ARHGEF16: variants seen among roughly 807,000 people sequenced by gnomAD.
The protein encoded by ARHGEF16 is Rho guanine nucleotide exchange factor 16, also known as Rho guanine exchange factor (GEF) 16.
In ARHGEF16, 59 loss-of-function variants were observed where a neutral mutation model predicts 74.1. That is an observed-to-expected ratio of 0.80 (90% CI 0.65 to 0.99). The LOEUF (loss-of-function observed/expected upper bound fraction) is 0.99. Ranked by LOEUF, ARHGEF16 falls within the 50% of genes least tolerant of loss-of-function variation. The pLI, the probability that ARHGEF16 is intolerant of heterozygous loss-of-function variation, is 0.00. For synonymous variants in ARHGEF16, 415 were observed against 412.6 expected (o/e 1.01, Z -0.07); for missense variants, 948 against 986.6 (o/e 0.96, Z 0.52).
At chr1:3,474,803 A>G (rs747936906) in intron 9 of ARHGEF16, 21 bp downstream of exon 9, 4 of 1,611,018 alleles carry the variant, frequency 2.5e-6, no homozygotes, top group Non-Finnish European at 3.4e-6. Flanking sequence ...GCCTGGCCCC[A>G]GCCCTACCCG....
intron 8 of ARHGEF16, chr1:3,474,103 T>C (rs2100754596): frequency 5.2e-6 from 1 of 190,836 alleles, no homozygotes; most frequent in East Asian, 1.3e-4. Flanking sequence ...AGTACACACA[T>C]GCATGCACAC....
chr1:3,480,675 T>C lies in ARHGEF16; in HGVS notation c.*88T>C. 6 of 1,509,738 alleles carry C rather than the reference T, an allele frequency of 4.0e-6. No individual in the cohort carries two copies. Among genetic ancestry groups the C allele is most frequent in the South Asian group, 1.3e-5 (1 of 79,974 alleles). The allele number at this position is 1,509,738 out of a possible 1,614,324, so 93.5% of individuals were successfully genotyped here. ...CTCTAGAGAGCGTGGGGAGCTGGTC[T>C]CAAGGACCCAGCATGGTTCCCTGGG... On this transcript the variant is annotated 3_prime_UTR_variant, in exon 15 of 15. Transcript: ENST00000378378.
At chr1:3,470,044 TAG>T (rs1557692829) in intron 6 of ARHGEF16, among the ~76,000 whole-genome samples, 1 of 151,780 alleles carries the variant, frequency 6.6e-6, no homozygotes, top group Non-Finnish European at 1.5e-5. Context: ...GGCCTGGAGG[TAG>T]AGAGGCTGGA....
At chr1:3,455,864 G>A (rs1034787594) in intron 1 of ARHGEF16, among the ~76,000 whole-genome samples, 16 of 152,290 alleles carry the variant, frequency 1.1e-4, no homozygotes, top group African/African-American at 3.4e-4. Flanking sequence ...TAGGAGTGTT[G>A]AGTTAGAAGA....
intron 10 of ARHGEF16, among the ~76,000 whole-genome samples, chr1:3,476,909 C>T (rs1038369335): frequency 6.6e-6 from 1 of 152,064 alleles, no homozygotes; most frequent in Non-Finnish European, 1.5e-5. Context: ...GCTGAGCCCA[C>T]ACCCGTGCAG....
rs530130022 is a variant in ARHGEF16 at position 3,466,688 on chromosome 1, G to A, written c.635-480G>A. On this transcript the variant is annotated intron_variant, in intron 3 of 14. Transcript: ENST00000378378. ...GACATAGGGAGGTGCCTGCTACCTG[G>A]GTCCAAATGCCCGGGGGTGTAAAGA... 3.3e-3 allele frequency among the ~76,000 whole-genome samples: 507 copies of A among 152,328 alleles called. 6 individuals are homozygous for A. Among genetic ancestry groups the A allele is most frequent in the African/African-American group, 0.012 (488 of 41,576 alleles).
chr1:3,477,750 TCCAGAGG>T, intron 10 of ARHGEF16, 118 bp from the exon 11 acceptor site: 1 of 871,744 alleles, frequency 1.1e-6, no homozygotes, highest in Non-Finnish European at 1.8e-6. Flanking sequence ...GGTCACCCAG[TCCAGAGG>T]CAGGAGTCAG....
chr1:3,471,693 C>T, intron 6 of ARHGEF16: 1 of 1,241,692 alleles, frequency 8.1e-7, no homozygotes, highest in Admixed American at 2.8e-5. Context: ...CTTTAGATTG[C>T]TGCCCTGGGG....
At chr1:3,470,650 C>T (rs1269858004) in intron 6 of ARHGEF16, among the ~76,000 whole-genome samples, 1 of 122,958 alleles carries the variant, frequency 8.1e-6, no homozygotes, top group Non-Finnish European at 1.7e-5. Context: ...TGTGTATCTG[C>T]GTGGTCAGGG....
At chr1:3,463,902 C>T (rs1639472886) in intron 2 of ARHGEF16, among the ~76,000 whole-genome samples, 1 of 152,244 alleles carries the variant, frequency 6.6e-6, no homozygotes, top group Admixed American at 6.5e-5. Context: ...TCTACCGAGG[C>T]CCCCAGACTC....
In ARHGEF16 at chr1:3,463,210, G is replaced by A. The variant is rs1001093016; in HGVS notation, c.126G>A (p.Pro42=). ...ASGLPMVRGS[P]RVRDDAAFQP... ...GGCTCCCAATGGTCCGTGGCTCCCC[G>A]CGTGTTAGAGACGATGCCGCCTTCC... The change falls in exon 2 of 15, where the codon CCG becomes CCA. Residue 42 remains proline, a synonymous_variant. Coordinates refer to ENST00000378378, the MANE Select transcript of ARHGEF16 (RefSeq NM_014448.4). 26 of 1,546,020 alleles carry A rather than the reference G, an allele frequency of 1.7e-5. No homozygotes were observed. Among genetic ancestry groups the A allele is most frequent in the South Asian group, 9.5e-5 (8 of 83,850 alleles).
In ARHGEF16 at chr1:3,463,570, G is replaced by A. The variant is rs1416390394; in HGVS notation, c.486G>A (p.Gly162=). Residue 162 remains glycine, a synonymous_variant, in exon 2 of 15, where the codon GGG becomes GGA. Coordinates refer to ENST00000378378, the MANE Select transcript of ARHGEF16 (RefSeq NM_014448.4). ...ACCGGGCGGCCATGAAGGGCCTGGG[G>A]AAGCCAGGTGGCCAGGGAGATGCCA... ...QSYRAAMKGL[G]KPGGQGDAIQ... The A allele has an allele frequency of 1.7e-5, 24 of 1,451,638 alleles. No individual in the cohort carries two copies. Among genetic ancestry groups the A allele is most frequent in the Non-Finnish European group, 2.1e-5 (23 of 1,098,702 alleles). 89.9% of individuals were successfully genotyped at this position (1,451,638 alleles called of 1,614,324 possible).
chr1:3,469,480 G>A lies in ARHGEF16; in HGVS notation c.909G>A (p.Leu303=), dbSNP rs755088210. Residue 303 remains leucine, a synonymous_variant, in exon 6 of 15, where the codon CTG becomes CTA. Coordinates refer to ENST00000378378, the MANE Select transcript of ARHGEF16 (RefSeq NM_014448.4). The part of the protein sequence containing the change: ...LTSEFSYQHS[L]SILVEEFLQS... Reference sequence around the variant, plus strand: ...CGGAGTTCTCCTACCAGCACAGCCTGAGCATCCTGGTGGAGGAGTTCCTGC... The same window carrying A: ...CGGAGTTCTCCTACCAGCACAGCCTAAGCATCCTGGTGGAGGAGTTCCTGC... The A allele has an allele frequency of 3.0e-5, 48 of 1,613,052 alleles. No individual in the cohort carries two copies. The highest frequency in any genetic ancestry group is 5.0e-5 in the Admixed American group (3 of 60,006).
At chr1:3,479,714 T>TGCCCCGGCCCCG in intron 13 of ARHGEF16, 98 bp from the exon 14 acceptor site, 2 of 1,544,916 alleles carry the variant, frequency 1.3e-6, no homozygotes, top group Non-Finnish European at 1.8e-6. Context: ...GGGGATGGGG[T>TGCCCCGGCCCCG]GCCCCGGCCC....
At chr1:3,476,285 T>C (rs1374003773) in intron 10 of ARHGEF16, among the ~76,000 whole-genome samples, 3 of 151,986 alleles carry the variant, frequency 2.0e-5, no homozygotes, top group African/African-American at 7.2e-5. Flanking sequence ...CTAATCCCAC[T>C]GGGTGGGCCT....
chr1:3,479,768 C>T (rs763839190), intron 13 of ARHGEF16, 44 bp from the exon 14 acceptor site: 4 of 1,596,044 alleles, frequency 2.5e-6, no homozygotes, highest in Middle Eastern at 3.3e-4. Flanking sequence ...TGGAGCCTGG[C>T]CCATGCCTCC....
intron 4 of ARHGEF16, among the ~76,000 whole-genome samples, 195 bp downstream of exon 4, chr1:3,467,532 T>C (rs1014109755): frequency 6.6e-6 from 1 of 152,036 alleles, no homozygotes; most frequent in Non-Finnish European, 1.5e-5. Flanking sequence ...GCCCTCAGAG[T>C]CACCCTGCCC....
intron 14 of ARHGEF16, 115 bp downstream of exon 14, chr1:3,480,028 C>T: frequency 9.6e-7 from 1 of 1,038,834 alleles, no homozygotes; most frequent in Non-Finnish European, 1.4e-6. Flanking sequence ...ATGTGCTCAC[C>T]CTCTCTCGAG....
chr1:3,468,643 T>A (rs1639615657), intron 4 of ARHGEF16: 1 of 552,492 alleles, frequency 1.8e-6, no homozygotes. Flanking sequence ...CTGGGCTGCT[T>A]TGGGGCTCTG....
Sources: allele counts gnomAD v4.1 joint callset (sites outside exome capture counted in the v4.1 genomes callset), GRCh38; gene constraint gnomAD v4.1.1; transcripts MANE v1.5; gene names NCBI Gene and HGNC (gene_info 2026-07-23, HGNC 2026-07-21).